Variants in KCNMA1 observed in about 807,000 individuals in gnomAD.
KCNMA1 encodes the protein potassium calcium-activated channel subfamily M alpha 1.
A neutral mutation model predicts 140.0 loss-of-function variants in KCNMA1; 29 were observed. The ratio of observed to expected loss-of-function variants is 0.21; its 90% CI spans 0.15 to 0.28. KCNMA1 has a LOEUF of 0.28. KCNMA1 is among the 10% of genes least tolerant of loss of function. KCNMA1 has a pLI of 1.00. For missense variants in KCNMA1, 880 were observed against 1,602.2 expected (o/e 0.55, Z 7.70); for synonymous variants, 612 against 611.9 (o/e 1.00, Z 0.00).
At chr10:77,037,790 A>G (rs932206822) in intron 15 of KCNMA1, among the ~76,000 whole-genome samples, 1 of 152,100 alleles carries the variant, frequency 6.6e-6, no homozygotes, top group Non-Finnish European at 1.5e-5. Context: ...TTTTTATAAA[A>G]CTAGCTTCTG....
intron 2 of KCNMA1, among the ~76,000 whole-genome samples, chr10:77,261,565 C>A (rs891697120): frequency 6.6e-6 from 1 of 152,126 alleles, no homozygotes; most frequent in Admixed American, 6.6e-5. Context: ...TATATTCCTC[C>A]TAGGGCTTAA....
At chr10:76,982,786 T>A (rs2079951490) in intron 19 of KCNMA1, among the ~76,000 whole-genome samples, 1 of 152,224 alleles carries the variant, frequency 6.6e-6, no homozygotes, top group African/African-American at 2.4e-5. Flanking sequence ...TATCAGAAAC[T>A]GCCTAGCTCG....
chr10:77,483,381 C>A (rs1401645135), intron 1 of KCNMA1, among the ~76,000 whole-genome samples: 1 of 152,216 alleles, frequency 6.6e-6, no homozygotes, highest in African/African-American at 2.4e-5. Flanking sequence ...TCATCACCAG[C>A]CTCCTGAGGA....
intron 5 of KCNMA1, among the ~76,000 whole-genome samples, chr10:77,160,356 T>C (rs1467140816): frequency 6.6e-6 from 1 of 152,168 alleles, no homozygotes; most frequent in Non-Finnish European, 1.5e-5. Flanking sequence ...AGTTAAGGCT[T>C]TTCCATGTTT....
intron 23 of KCNMA1, among the ~76,000 whole-genome samples, chr10:76,919,987 T>C (rs1564909265): frequency 2.4e-5 from 1 of 41,032 alleles, no homozygotes; most frequent in Non-Finnish European, 4.4e-5. Context: ...GAGCATTGTG[T>C]GTGTGTGTGT....
chr10:77,030,174 G>C (rs917452846), intron 15 of KCNMA1, among the ~76,000 whole-genome samples: 3 of 152,140 alleles, frequency 2.0e-5, no homozygotes, highest in Non-Finnish European at 4.4e-5. Flanking sequence ...GGATCTCCTG[G>C]TGATTTGCAG....
intron 5 of KCNMA1, among the ~76,000 whole-genome samples, chr10:77,172,064 C>T (rs903600746): frequency 3.3e-5 from 5 of 152,142 alleles, no homozygotes; most frequent in African/African-American, 1.2e-4. Context: ...CAGTCGAATC[C>T]CTGAGCTGGT....
At chr10:77,590,269 C>T (rs903568189) in intron 1 of KCNMA1, among the ~76,000 whole-genome samples, 3 of 152,256 alleles carry the variant, frequency 2.0e-5, no homozygotes, top group African/African-American at 4.8e-5. Flanking sequence ...GCCAGTCCCG[C>T]GCCGTGCGCC....
At chr10:77,375,425 G>C (rs2095027158) in intron 2 of KCNMA1, among the ~76,000 whole-genome samples, 1 of 152,180 alleles carries the variant, frequency 6.6e-6, no homozygotes, top group African/African-American at 2.4e-5. Context: ...AGAGGTGCAG[G>C]TATATATCTC....
intron 1 of KCNMA1, among the ~76,000 whole-genome samples, chr10:77,408,812 C>T (rs1165934502): frequency 6.6e-6 from 1 of 152,200 alleles, no homozygotes; most frequent in East Asian, 1.9e-4. Context: ...CGGCCTTGCA[C>T]TGGAGGCCAC....
intron 19 of KCNMA1, among the ~76,000 whole-genome samples, chr10:76,994,625 G>A (rs1238704012): frequency 6.6e-6 from 1 of 152,184 alleles, no homozygotes; most frequent in African/African-American, 2.4e-5. Context: ...TTCAGCAAAT[G>A]TTGGTAGTAT....
intron 2 of KCNMA1, among the ~76,000 whole-genome samples, chr10:77,350,148 C>T (rs1429519794): frequency 6.6e-6 from 1 of 152,210 alleles, no homozygotes; most frequent in African/African-American, 2.4e-5. Context: ...ATCCACCAGC[C>T]ACGGCCTCCC....
At chr10:77,356,634 G>A (rs976225234) in intron 2 of KCNMA1, among the ~76,000 whole-genome samples, 1 of 152,178 alleles carries the variant, frequency 6.6e-6, no homozygotes, top group African/African-American at 2.4e-5. Context: ...GGGCAAACAT[G>A]GGTCACCCCA....
chr10:77,371,975 C>T (rs1410495811), intron 2 of KCNMA1, among the ~76,000 whole-genome samples: 1 of 152,214 alleles, frequency 6.6e-6, no homozygotes, highest in African/African-American at 2.4e-5. Context: ...GTTATCTTAC[C>T]TACCTTCACA....
At chr10:77,455,059 T>C (rs2097735255) in intron 1 of KCNMA1, among the ~76,000 whole-genome samples, 1 of 152,226 alleles carries the variant, frequency 6.6e-6, no homozygotes, top group Non-Finnish European at 1.5e-5. Context: ...CTTCATTCCC[T>C]GTAGTCATAA....
chr10:77,495,527 C>T (rs375913470), intron 1 of KCNMA1, among the ~76,000 whole-genome samples: 2 of 152,218 alleles, frequency 1.3e-5, no homozygotes, highest in African/African-American at 4.8e-5. Context: ...ACAGAAACAT[C>T]GGCCAATGAG....
At chr10:76,873,464 C>A (rs2031767376), downstream of KCNMA1, 3 of 152,184 alleles carry the variant, frequency 2.0e-5, no homozygotes, top group Non-Finnish European at 2.9e-5. Context: ...AGGAGAGGAT[C>A]AGAAAGGTAA....
intron 1 of KCNMA1, among the ~76,000 whole-genome samples, chr10:77,423,630 TCAGAGCCAAGTGAA>T (rs1194103591): frequency 6.6e-6 from 1 of 151,922 alleles, no homozygotes; most frequent in African/African-American, 2.4e-5. Context: ...GGATGAAAAA[TCAGAGCCAAGTGAA>T]TGCCTTCTCT....
intron 1 of KCNMA1, among the ~76,000 whole-genome samples, chr10:77,550,268 A>G (rs186792724): frequency 2.0e-5 from 3 of 152,180 alleles, no homozygotes; most frequent in Non-Finnish European, 2.9e-5. Context: ...ATCTTCCCCT[A>G]GGAACTCCCA....
Sources: allele counts gnomAD v4.1 joint callset (sites outside exome capture counted in the v4.1 genomes callset), GRCh38; gene constraint gnomAD v4.1.1; transcripts MANE v1.5; gene names NCBI Gene and HGNC (gene_info 2026-07-23, HGNC 2026-07-21).